Variants in PLCG2 observed in about 807,000 individuals in gnomAD.
PLCG2 encodes phospholipase C gamma 2.
Under a neutral mutation model 175.6 loss-of-function variants are expected in PLCG2, and 69 were observed. The observed-to-expected ratio is 0.39, with a 90% CI of 0.32 to 0.48. The LOEUF (loss-of-function observed/expected upper bound fraction) is 0.48, where lower values mean the gene tolerates loss of function less well. Among genes scored for constraint, PLCG2 ranks in the 20% least tolerant of loss-of-function variants. PLCG2 has a pLI of 0.91. For missense variants in PLCG2, 1,798 were observed against 1,650.9 expected (o/e 1.09, Z -1.54); for synonymous variants, 827 against 624.0 (o/e 1.33, Z -4.85).
At chr16:81,866,032 G>A (rs1425248835) in intron 5 of PLCG2, among the ~76,000 whole-genome samples, 6 of 134,710 alleles carry the variant, frequency 4.5e-5, no homozygotes, top group African/African-American at 1.7e-4. Context: ...GGGCTCCACT[G>A]GGGCACCAGC....
chr16:81,937,137 G>A (rs148609222), intron 27 of PLCG2, among the ~76,000 whole-genome samples: 1 of 152,322 alleles, frequency 6.6e-6, no homozygotes, highest in African/African-American at 2.4e-5. Flanking sequence ...CCTGAGCTAA[G>A]CCACACTGCC....
At position 81,962,406 on chromosome 16, in the gene PLCG2, G is replaced by C. The variant is rs1198815593; in HGVS notation, c.*4408G>C. 9.4e-6 allele frequency: 2 copies of C among 212,392 alleles called. No individual in the cohort carries two copies. Among genetic ancestry groups the C allele is most frequent in the Non-Finnish European group, 1.9e-5 (2 of 105,276 alleles). 13.2% of individuals were successfully genotyped at this position (212,392 alleles called of 1,614,324 possible). A position where few individuals can be genotyped will look rare whatever the true frequency, so the allele number is the denominator to read the frequency against. On this transcript the variant is annotated 3_prime_UTR_variant, in exon 33 of 33. Coordinates refer to ENST00000564138, the MANE Select transcript of PLCG2 (RefSeq NM_002661.5). The stretch of plus-strand genomic sequence containing the variant: ...TAAAAATACTCAATAATTTGTCCCT[G>C]GTTTTTAATTTTCAAAATATTTTCT...
intron 9 of PLCG2, among the ~76,000 whole-genome samples, chr16:81,884,284 G>C (rs1908242544): frequency 6.6e-6 from 1 of 152,122 alleles, no homozygotes; most frequent in Non-Finnish European, 1.5e-5. Flanking sequence ...CTGGGAGGTA[G>C]AGGTTGCAGT....
At chr16:81,802,449 G>A (rs999732837) in intron 2 of PLCG2, among the ~76,000 whole-genome samples, 1 of 151,704 alleles carries the variant, frequency 6.6e-6, no homozygotes, top group Non-Finnish European at 1.5e-5. Flanking sequence ...TGTACTTCCA[G>A]CTTTTGCTAC....
At chr16:81,831,361 A>G (rs1905251141) in intron 2 of PLCG2, among the ~76,000 whole-genome samples, 1 of 152,174 alleles carries the variant, frequency 6.6e-6, no homozygotes, top group Admixed American at 6.5e-5. Context: ...GGACGTGACC[A>G]TCATCGTGAG....
intron 1 of PLCG2, 134 bp downstream of exon 1, chr16:81,779,558 C>A (rs1910634991): frequency 6.6e-6 from 1 of 151,970 alleles, no homozygotes; most frequent in South Asian, 2.1e-4. Context: ...ACGGGGCGCA[C>A]CCTCGGGGAC....
chr16:81,906,147 C>G (rs1489946874), intron 15 of PLCG2: 3 of 152,156 alleles, frequency 2.0e-5, no homozygotes, highest in Non-Finnish European at 4.4e-5. Flanking sequence ...TGGTACAATA[C>G]TAATAACTAG....
At chr16:81,938,268 T>C (rs1001087861) in intron 28 of PLCG2, among the ~76,000 whole-genome samples, 2 of 152,152 alleles carry the variant, frequency 1.3e-5, no homozygotes, top group Non-Finnish European at 2.9e-5. Context: ...TTTGTCCAAT[T>C]CCAGGGCTTT....
intron 1 of PLCG2, 70 bp from the exon 2 acceptor site, chr16:81,785,873 A>C (rs1910945692): frequency 4.2e-6 from 4 of 949,748 alleles, no homozygotes; most frequent in Non-Finnish European, 4.8e-6. Context: ...TGGTTCCTGA[A>C]GTTCATGCCC....
At chr16:81,942,326 G>A (rs4395069) in intron 30 of PLCG2, among the ~76,000 whole-genome samples, 150,718 of 152,346 alleles carry the variant, frequency 0.99, 74,580 homozygotes, top group East Asian at 1. Context: ...TTGGAGATTT[G>A]GAAAAAACAA....
intron 2 of PLCG2, among the ~76,000 whole-genome samples, chr16:81,817,952 AC>A (rs1214406454): frequency 1.3e-5 from 2 of 152,182 alleles, no homozygotes; most frequent in Non-Finnish European, 2.9e-5. Context: ...GAGAGCAAAG[AC>A]CCAAAGGAGA....
chr16:81,953,224 G>A (rs751857446), intron 31 of PLCG2, among the ~76,000 whole-genome samples: 5 of 152,232 alleles, frequency 3.3e-5, no homozygotes, highest in Non-Finnish European at 5.9e-5. Context: ...TGGGATCCCG[G>A]ATTGGATGTG....
intron 17 of PLCG2, among the ~76,000 whole-genome samples, chr16:81,909,986 T>C (rs1291525293): frequency 1.5e-5 from 2 of 133,766 alleles, no homozygotes; most frequent in Admixed American, 1.7e-4. Flanking sequence ...GAGAAGCAGT[T>C]ATATATATAA....
rs1911798855 is a variant in PLCG2 at position 81,962,091 on chromosome 16, A to C, written c.*4093A>C. ...CGAAGAGGACGACCAACCCCGATAGAGGAGGACCGGTCTTCGGTCAAGGGT... is the reference window on the plus strand; with the variant it reads ...CGAAGAGGACGACCAACCCCGATAGCGGAGGACCGGTCTTCGGTCAAGGGT... On this transcript the variant is annotated 3_prime_UTR_variant, in exon 33 of 33. Transcript: ENST00000564138. The C allele has an allele frequency of 5.4e-6, 1 of 186,040 alleles. No homozygotes were observed. Among genetic ancestry groups the C allele is most frequent in the Non-Finnish European group, 1.1e-5 (1 of 87,400 alleles). 11.5% of individuals were successfully genotyped at this position (186,040 alleles called of 1,614,324 possible).
Position 81,883,900 on chromosome 16 carries a change from G to A in PLCG2, c.765+559G>A, listed in dbSNP as rs936412780. ...TTGTGTTGCGCCTTGGTTTTCCACT[G>A]CTGTGACGATGCCCCCAGAGGACAC... On this transcript the variant is annotated intron_variant, in intron 9 of 32. Coordinates refer to ENST00000564138, the MANE Select transcript of PLCG2 (RefSeq NM_002661.5). Among the ~76,000 whole-genome samples, 4 of 152,314 alleles carry A rather than the reference G, an allele frequency of 2.6e-5. No homozygotes were observed. The East Asian group carries it at 7.7e-4, about 29-fold the overall frequency.
At position 81,959,258 on chromosome 16, in the gene PLCG2, G is replaced by A. The variant is rs937100370; in HGVS notation, c.*1260G>A. ...AGTAAGCCTGATGTTTGATGTGGAT[G>A]GAACTGGCCCCTAGAAACCCATCTG... On this transcript the variant is annotated 3_prime_UTR_variant, in exon 33 of 33. Transcript: ENST00000564138. The A allele has an allele frequency of 1.3e-5, 3 of 223,730 alleles. No homozygotes were observed. The highest frequency in any genetic ancestry group is 2.2e-5 in the African/African-American group (1 of 44,788). The allele number at this position is 223,730 out of a possible 1,614,324, so 13.9% of individuals were successfully genotyped here. A position where few individuals can be genotyped will look rare whatever the true frequency, so the allele number is the denominator to read the frequency against.
rs1908638272 is a variant in PLCG2 at position 81,891,606 on chromosome 16, G to A, written c.986+16G>A. On this transcript the variant is annotated intron_variant, in intron 11 of 32. Coordinates refer to ENST00000564138, the MANE Select transcript of PLCG2 (RefSeq NM_002661.5). Reference sequence around the variant, plus strand: ...CACATAACACGTGAGTTTCAGATGAGCCTGTGATGGGTTGGGCAGCACAGA... The same window carrying A: ...CACATAACACGTGAGTTTCAGATGAACCTGTGATGGGTTGGGCAGCACAGA... The A allele has an allele frequency of 4.3e-6, 6 of 1,411,034 alleles. No individual in the cohort carries two copies. Among genetic ancestry groups the A allele is most frequent in the Non-Finnish European group, 6.0e-6 (6 of 995,554 alleles). 87.4% of individuals were successfully genotyped at this position (1,411,034 alleles called of 1,614,324 possible).
At position 81,954,829 on chromosome 16, in the gene PLCG2, A is replaced by G. The variant is rs183299381; in HGVS notation, c.3571-1866A>G. On this transcript the variant is annotated intron_variant, in intron 31 of 32. Transcript: ENST00000564138. Reference sequence around the variant, plus strand: ...GTGCGTGGGTCTTTATAGTAGAATGATTTATATTCCTTTGGGTACATACCC... The same window carrying G: ...GTGCGTGGGTCTTTATAGTAGAATGGTTTATATTCCTTTGGGTACATACCC... Among the ~76,000 whole-genome samples the G allele has an allele frequency of 3.9e-5, 6 of 152,212 alleles. No individual in the cohort carries two copies. The East Asian group carries it at 1.2e-3, about 29-fold the overall frequency.
chr16:81,890,936 G>A (rs893264933), intron 10 of PLCG2, among the ~76,000 whole-genome samples: 2 of 152,352 alleles, frequency 1.3e-5, no homozygotes, highest in East Asian at 1.9e-4. Context: ...GCTGAGGCGG[G>A]TGGATCGCTT....
Sources: gnomAD v4.1 joint callset for allele counts (sites outside exome capture counted in the v4.1 genomes callset) on GRCh38, gnomAD v4.1.1 for gene constraint, MANE v1.5 for transcripts, NCBI Gene and HGNC (gene_info 2026-07-23, HGNC 2026-07-21) for gene names.